The following HEATR4 variants were observed in gnomAD, a reference collection of about 807,000 sequenced individuals.
The protein encoded by HEATR4 is HEAT repeat containing 4, also known as HEAT repeat-containing protein 4.
Under a neutral mutation model 108.8 loss-of-function variants are expected in HEATR4, and 95 were observed. The ratio of observed to expected loss-of-function variants is 0.87; its 90% CI spans 0.74 to 1.04. HEATR4 has a LOEUF of 1.04. Ranked by LOEUF, HEATR4 falls within the 50% of genes least tolerant of loss-of-function variation. The probability of loss-of-function intolerance (pLI) is 0.00; values close to 1 mark genes in which losing one functional copy is unlikely to be tolerated. For synonymous variants in HEATR4, 443 were observed against 459.4 expected (o/e 0.96, Z 0.46); for missense variants, 1,152 against 1,253.8 (o/e 0.92, Z 1.23).
chr14:73,573,981 C>T, the HEATR4 span, among the ~76,000 whole-genome samples: 4 of 152,104 alleles, frequency 2.6e-5, no homozygotes, highest in South Asian at 4.2e-4. Flanking sequence ...CCTGCTTTGA[C>T]CTACCCAAGT....
Position 73,549,293 on chromosome 14 carries a change from G to T in HEATR4, c.-152+9458C>A, listed in dbSNP as rs1229307240. On this transcript the variant is annotated intron_variant, in intron 1 of 17. Transcript: ENST00000553558. ...GTGTCTGTGTGTGTGTGTATCTCAGGGGCGTCAGGCCTCAATTTCCTCATC... is the reference window on the plus strand; with the variant it reads ...GTGTCTGTGTGTGTGTGTATCTCAGTGGCGTCAGGCCTCAATTTCCTCATC... 1.8e-5 allele frequency among the ~76,000 whole-genome samples: 2 copies of T among 114,002 alleles called. 1 individual carries two copies. The highest frequency in any genetic ancestry group is 5.7e-5 in the African/African-American group (2 of 35,118). The allele number at this position is 114,002 out of a possible 152,430, so 74.8% of individuals were successfully genotyped here.
chr14:73,616,818 A>G, the HEATR4 span: 16 of 542,762 alleles, frequency 2.9e-5, 1 homozygote, highest in Admixed American at 3.3e-4. Flanking sequence ...TATACATTGT[A>G]CCCAATATGT....
chr14:73,617,168 G>A, the HEATR4 span: 2 of 1,614,028 alleles, frequency 1.2e-6, no homozygotes, highest in Non-Finnish European at 1.7e-6. Flanking sequence ...AAGAAGCCGT[G>A]GACTTTATGC....
At chr14:73,622,153 G>A in the HEATR4 span, among the ~76,000 whole-genome samples, 1 of 151,978 alleles carries the variant, frequency 6.6e-6, no homozygotes, top group Non-Finnish European at 1.5e-5. Flanking sequence ...ATGCTCTTGG[G>A]GTGGGAGATC....
intron 1 of HEATR4, among the ~76,000 whole-genome samples, chr14:73,545,598 A>G (rs555405663): frequency 4.8e-4 from 36 of 74,474 alleles, no homozygotes; most frequent in African/African-American, 1.5e-3. Context: ...GCAATCTGGG[A>G]CAGTTGCTCA....
chr14:73,483,113 T>C (rs1185412041), intron 17 of HEATR4, among the ~76,000 whole-genome samples: 2 of 152,216 alleles, frequency 1.3e-5, no homozygotes, highest in African/African-American at 2.4e-5. Context: ...GTGTGGAATC[T>C]ATAAGACTAA....
rs571262582 is a variant in HEATR4, at chr14:73,500,558, C to G, written c.2278G>C (p.Asp760His). ...CLAAGALQIR[D>H]KMVLECLLNL... is the part of the protein sequence containing the mutation. ...ATGTTTCCCTGACTCACCATCTTGTCGCGGATCTGCAGGGCACCAGCTGCC... is the reference window on the plus strand; with the variant it reads ...ATGTTTCCCTGACTCACCATCTTGTGGCGGATCTGCAGGGCACCAGCTGCC... Residue 760 changes from aspartate (D) to histidine (H), a missense_variant, in exon 12 of 18, where the codon GAC (aspartate) becomes CAC (histidine). Transcript: ENST00000553558. 6.2e-7 allele frequency: 1 copy of G among 1,612,630 alleles called. No homozygotes were observed. The highest frequency in any genetic ancestry group is 1.1e-5 in the South Asian group (1 of 90,976).
At chr14:73,561,574 C>T (rs1869534879), upstream of HEATR4, among the ~76,000 whole-genome samples, 1 of 151,890 alleles carries the variant, frequency 6.6e-6, no homozygotes, top group African/African-American at 2.4e-5. Flanking sequence ...GTAGTCCCAG[C>T]TACTGGGGAG....
At chr14:73,491,510 G>T in intron 17 of HEATR4, 1 of 1,512,092 alleles carries the variant, frequency 6.6e-7, no homozygotes. Flanking sequence ...CGGGGCCCCT[G>T]CGACGGCGTC....
the HEATR4 span, among the ~76,000 whole-genome samples, chr14:73,589,741 A>C: frequency 6.6e-6 from 1 of 152,138 alleles, no homozygotes; most frequent in African/African-American, 2.4e-5. Context: ...TGACTTCAAC[A>C]ACGAAGCCAC....
At chr14:73,535,492 T>A (rs1479731096) in intron 1 of HEATR4, among the ~76,000 whole-genome samples, 1 of 38,190 alleles carries the variant, frequency 2.6e-5, no homozygotes, top group Non-Finnish European at 4.6e-5. Context: ...TTTTTTTTTT[T>A]TTTTTTTTTT....
At position 73,546,853 on chromosome 14, in the gene HEATR4, G is replaced by A. The variant is rs1210355193; in HGVS notation, c.-152+11898C>T. The stretch of plus-strand genomic sequence containing the variant: ...TGTAATCCCAGCACTTTGGGAGGCC[G>A]AGGCGGGCAGATCACCTGAGGTCAG... On this transcript the variant is annotated intron_variant, in intron 1 of 17. Transcript: ENST00000553558. 3.7e-5 allele frequency among the ~76,000 whole-genome samples: 4 copies of A among 107,376 alleles called. 1 individual carries two copies. The highest frequency in any genetic ancestry group is 4.1e-5 in the Non-Finnish European group (2 of 48,986). 70.4% of individuals were successfully genotyped at this position (107,376 alleles called of 152,430 possible).
chr14:73,543,014 G>A lies in HEATR4; in HGVS notation c.-151-12770C>T, dbSNP rs766512115. The A allele has an allele frequency of 1.8e-4, 229 of 1,243,872 alleles. 61 individuals carry two copies. The highest frequency in any genetic ancestry group is 1.4e-3 in the South Asian group (104 of 72,806). 77.1% of individuals were successfully genotyped at this position (1,243,872 alleles called of 1,614,324 possible). A position where few individuals can be genotyped will look rare whatever the true frequency, so the allele number is the denominator to read the frequency against. On this transcript the variant is annotated intron_variant, in intron 1 of 17. Transcript: ENST00000553558. Reference sequence around the variant, plus strand: ...CTCACCATATTCCACTGTTTGTGGAGCCATTCTTCTTCTTTTTCCTTTGTC... The same window carrying A: ...CTCACCATATTCCACTGTTTGTGGAACCATTCTTCTTCTTTTTCCTTTGTC...
intron 5 of HEATR4, among the ~76,000 whole-genome samples, chr14:73,516,265 A>G (rs2140288297): frequency 1.8e-5 from 1 of 56,412 alleles, no homozygotes; most frequent in African/African-American, 1.6e-4. Context: ...GTGCTGGGGG[A>G]CTCAGCCACT....
chr14:73,502,923 G>A lies in HEATR4; in HGVS notation c.2077C>T (p.Leu693Phe), dbSNP rs142135484. 28 of 1,613,754 alleles carry A rather than the reference G, an allele frequency of 1.7e-5. No individual in the cohort carries two copies. Among genetic ancestry groups the A allele is most frequent in the African/African-American group, 2.7e-5 (2 of 75,000 alleles). ...ATTATGTCGTGCACCTCTTTCCCGA[G>A]GCTCATTTGCCCAAGCGCCTGTGCA... ...AAAQALGQMS[L>F]GKEVHDIIRV... The change falls in exon 11 of 18, where the codon CTC becomes TTC. Residue 693 changes from leucine (L) to phenylalanine (F), a missense_variant. Leu to Phe is a conservative substitution (Grantham distance 22). Transcript: ENST00000553558.
the HEATR4 span, among the ~76,000 whole-genome samples, chr14:73,602,776 T>C: frequency 6.6e-6 from 1 of 152,062 alleles, no homozygotes; most frequent in Non-Finnish European, 1.5e-5. Flanking sequence ...AGAGTAAATC[T>C]TTTTTTTATT....
the HEATR4 span, chr14:73,611,452 G>C: frequency 6.6e-6 from 1 of 152,110 alleles, no homozygotes; most frequent in South Asian, 2.1e-4. Flanking sequence ...CATTGTTTTT[G>C]TTTTTAAATC....
chr14:73,564,724 T>G, the HEATR4 span, among the ~76,000 whole-genome samples: 2 of 69,260 alleles, frequency 2.9e-5, no homozygotes, highest in African/African-American at 9.9e-5. Context: ...CTTTTCTGTT[T>G]TTTGTTTTTT....
rs556486157 is a variant in HEATR4, at chr14:73,536,233, C to T, written c.-151-5989G>A. 1.2e-4 allele frequency among the ~76,000 whole-genome samples: 14 copies of T among 112,480 alleles called. 4 individuals are homozygous for T. In the South Asian group the frequency reaches 4.0e-3, roughly 32 times the overall value. 73.8% of individuals were successfully genotyped at this position (112,480 alleles called of 152,430 possible). On this transcript the variant is annotated intron_variant, in intron 1 of 17. Transcript: ENST00000553558. ...GAAGCTTACGCATTTATAGGTTTCTCTAATTACCAAGATAGGAAATTATGA... is the reference window on the plus strand; with the variant it reads ...GAAGCTTACGCATTTATAGGTTTCTTTAATTACCAAGATAGGAAATTATGA...
Sources: allele counts gnomAD v4.1 joint callset (sites outside exome capture counted in the v4.1 genomes callset), GRCh38; gene constraint gnomAD v4.1.1; transcripts MANE v1.5; gene names NCBI Gene and HGNC (gene_info 2026-07-23, HGNC 2026-07-21).